BRAF: variants seen among roughly 807,000 people sequenced by gnomAD.
BRAF encodes the protein serine/threonine-protein kinase B-raf.
In BRAF, 16 loss-of-function variants were observed where a neutral mutation model predicts 104.6. That is an observed-to-expected ratio of 0.15 (90% CI 0.10 to 0.23). The LOEUF is 0.23. Among genes scored for constraint, BRAF ranks in the 10% least tolerant of loss-of-function variants. The probability of loss-of-function intolerance (pLI) is 1.00; values close to 1 mark genes in which losing one functional copy is unlikely to be tolerated. For synonymous variants in BRAF, 310 were observed against 341.6 expected (o/e 0.91, Z 1.02); for missense variants, 541 against 937.3 (o/e 0.58, Z 5.52).
At chr7:140,717,541 C>T (rs1795158756), downstream of BRAF, among the ~76,000 whole-genome samples, 2 of 152,164 alleles carry the variant, frequency 1.3e-5, no homozygotes, top group Admixed American at 1.3e-4. Flanking sequence ...GCCATTGAGC[C>T]CAACTCAGTG....
At chr7:140,890,097 T>C (rs997688394) in intron 1 of BRAF, among the ~76,000 whole-genome samples, 6 of 152,176 alleles carry the variant, frequency 3.9e-5, no homozygotes, top group African/African-American at 1.2e-4. Flanking sequence ...CTTAGGCAAA[T>C]TACTTAACCC....
downstream of BRAF, among the ~76,000 whole-genome samples, chr7:140,718,434 G>A (rs1211582060): frequency 9.2e-5 from 14 of 152,242 alleles, no homozygotes; most frequent in Admixed American, 9.2e-4. Context: ...ATTTTTAGGA[G>A]AGAGGGGGTT....
At chr7:140,784,408 C>T (rs1030689696) in intron 10 of BRAF, among the ~76,000 whole-genome samples, 2 of 152,274 alleles carry the variant, frequency 1.3e-5, no homozygotes, top group East Asian at 1.9e-4. Flanking sequence ...GACTGCTTGA[C>T]CAGGCTTCAC....
chr7:140,868,202 T>G (rs1181402548), intron 1 of BRAF, among the ~76,000 whole-genome samples: 1 of 152,106 alleles, frequency 6.6e-6, no homozygotes, highest in Non-Finnish European at 1.5e-5. Context: ...TGCTTTGGAG[T>G]GGCTTTTGTA....
At position 140,728,551 on chromosome 7, in the gene BRAF, A is replaced by T. The variant is rs912029419; in HGVS notation, c.2402-2035T>A. Among the ~76,000 whole-genome samples the T allele has an allele frequency of 3.7e-4, 54 of 145,218 alleles. 1 individual carries two copies. Among genetic ancestry groups the T allele is most frequent in the East Asian group, 3.1e-3 (16 of 5,088 alleles). ...GATTGGGGAATCTAGCACTGATTTA[A>T]AAAAAAAAAAAGGCTAAATTAAATT... On this transcript the variant is annotated intron_variant, in intron 19 of 19. Coordinates refer to ENST00000644969, the MANE Select transcript of BRAF (RefSeq NM_001374258.1).
chr7:140,912,645 T>A (rs967480779), intron 1 of BRAF, among the ~76,000 whole-genome samples: 1 of 152,208 alleles, frequency 6.6e-6, no homozygotes, highest in Non-Finnish European at 1.5e-5. Flanking sequence ...TTCCTCACCA[T>A]CTTTACTTCC....
chr7:140,903,982 G>T (rs1380872985), intron 1 of BRAF, among the ~76,000 whole-genome samples: 1 of 152,206 alleles, frequency 6.6e-6, no homozygotes, highest in Non-Finnish European at 1.5e-5. Context: ...GTGGTTTCTT[G>T]ACATGAACTC....
intron 12 of BRAF, 161 bp downstream of exon 11, chr7:140,781,415 A>G (rs1225427387): frequency 1.4e-6 from 1 of 727,268 alleles, no homozygotes; most frequent in Non-Finnish European, 2.4e-6. Flanking sequence ...TTTATTTCCC[A>G]TAATTTTTGT....
chr7:140,797,064 C>T (rs1802564460), intron 7 of BRAF, among the ~76,000 whole-genome samples: 1 of 152,016 alleles, frequency 6.6e-6, no homozygotes, highest in Admixed American at 6.5e-5. Flanking sequence ...TAACTTATAC[C>T]CTATGAAGTA....
intron 16 of BRAF, among the ~76,000 whole-genome samples, chr7:140,751,041 C>T (rs568069004): frequency 8.9e-4 from 135 of 152,228 alleles, no homozygotes; most frequent in African/African-American, 3.1e-3. Flanking sequence ...TACGGATGTT[C>T]CATATTTGTT....
At chr7:140,810,448 TA>T (rs925834579) in intron 3 of BRAF, among the ~76,000 whole-genome samples, 11 of 152,042 alleles carry the variant, frequency 7.2e-5, no homozygotes, top group Middle Eastern at 3.2e-3. Context: ...CGGGCGCCTA[TA>T]ATCCCAGCTA....
intron 1 of BRAF, among the ~76,000 whole-genome samples, chr7:140,912,021 C>T (rs1441604890): frequency 6.6e-6 from 1 of 152,158 alleles, no homozygotes; most frequent in Non-Finnish European, 1.5e-5. Context: ...TTAATATTGC[C>T]ATTAGCCTAT....
intron 17 of BRAF, 121 bp from the exon 17 acceptor site, chr7:140,740,067 T>C: frequency 9.0e-7 from 1 of 1,106,344 alleles, no homozygotes; most frequent in South Asian, 1.5e-5. Flanking sequence ...GTATTACACC[T>C]CAATAAAAAG....
At chr7:140,773,607 C>T (rs937512132) in intron 14 of BRAF, among the ~76,000 whole-genome samples, 10 of 152,188 alleles carry the variant, frequency 6.6e-5, no homozygotes, top group African/African-American at 2.4e-4. Flanking sequence ...AGAGAAGAAA[C>T]TTCCAGTCTA....
intron 14 of BRAF, 110 bp from the exon 14 acceptor site, chr7:140,754,343 T>A: frequency 1.1e-6 from 1 of 888,704 alleles, no homozygotes; most frequent in Non-Finnish European, 1.9e-6. Context: ...ATGATACAAC[T>A]GAAAATAGTA....
intron 2 of BRAF, 151 bp downstream of exon 2, chr7:140,849,960 A>G (rs1808980989): frequency 1.7e-6 from 1 of 577,986 alleles, no homozygotes; most frequent in African/African-American, 1.9e-5. Context: ...AAACAAGATT[A>G]AGAAGTATAA....
chr7:140,760,365 A>G (rs540787623), intron 14 of BRAF, among the ~76,000 whole-genome samples: 1 of 151,196 alleles, frequency 6.6e-6, no homozygotes, highest in East Asian at 1.9e-4. Context: ...GTGAGCTGAG[A>G]TCATGCCATT....
At chr7:140,889,665 AAAG>A (rs1813988721) in intron 1 of BRAF, among the ~76,000 whole-genome samples, 1 of 152,228 alleles carries the variant, frequency 6.6e-6, no homozygotes. Context: ...AGAACCTAGT[AAAG>A]AAATGTTTTA....
At chr7:140,795,313 C>G (rs1393446353) in intron 7 of BRAF, among the ~76,000 whole-genome samples, 1 of 152,008 alleles carries the variant, frequency 6.6e-6, no homozygotes, top group African/African-American at 2.4e-5. Flanking sequence ...GGATGTAGCC[C>G]CTCAGAAAGG....
Sources: gnomAD v4.1 joint callset for allele counts (sites outside exome capture counted in the v4.1 genomes callset) on GRCh38, gnomAD v4.1.1 for gene constraint, MANE v1.5 for transcripts, NCBI Gene and HGNC (gene_info 2026-07-23, HGNC 2026-07-21) for gene names.